The following GAP43 variants were observed in gnomAD, a reference collection of about 807,000 sequenced individuals.
The protein encoded by GAP43 is neuromodulin.
A neutral mutation model predicts 18.6 loss-of-function variants in GAP43; 6 were observed. The observed-to-expected ratio is 0.32, with a 90% confidence interval of 0.18 to 0.64. The LOEUF (loss-of-function observed/expected upper bound fraction) is 0.64, where lower values mean the gene tolerates loss of function less well. Among genes scored for constraint, GAP43 ranks in the 30% least tolerant of loss-of-function variants. The probability of loss-of-function intolerance (pLI) is 0.78; values close to 1 mark genes in which losing one functional copy is unlikely to be tolerated. For synonymous variants in GAP43, 115 were observed against 111.4 expected (o/e 1.03, Z -0.20); for missense variants, 292 against 295.5 (o/e 0.99, Z 0.09).
At chr3:115,677,441 T>A (rs1708907532) in intron 2 of GAP43, among the ~76,000 whole-genome samples, 1 of 152,188 alleles carries the variant, frequency 6.6e-6, no homozygotes, top group African/African-American at 2.4e-5. Context: ...GGGTTTTCAC[T>A]ATTACTGCTC....
In GAP43 at chr3:115,676,500, C is replaced by T; in HGVS notation, c.518C>T (p.Ala173Val). The T allele has an allele frequency of 6.2e-7, 1 of 1,613,988 alleles. No homozygotes were observed. Among genetic ancestry groups the T allele is most frequent in the Non-Finnish European group, 8.5e-7 (1 of 1,180,008 alleles). The change falls in exon 2 of 3, where the codon GCT becomes GTT. Residue 173 changes from alanine to valine, a missense_variant. Transcript: ENST00000305124. ...EEPKQADVPAAVTAAAATTPA... is the reference protein window; with the variant it reads ...EEPKQADVPAVVTAAAATTPA... ...CCTAAACAAGCCGATGTGCCTGCTGCTGTCACTGCTGCTGCTGCCACCACC... is the reference window on the plus strand; with the variant it reads ...CCTAAACAAGCCGATGTGCCTGCTGTTGTCACTGCTGCTGCTGCCACCACC...
chr3:115,721,031 CT>C lies in GAP43; in HGVS notation c.*150del, dbSNP rs1184166668. On this transcript the variant is annotated 3_prime_UTR_variant, in exon 3 of 3. Transcript: ENST00000305124. Reference sequence around the variant, plus strand: ...TCCCACCCACTAGCCCTCTTTCTCTCTGTGTGGCAAACATTTAAAAAAAAAA... The same window carrying C: ...TCCCACCCACTAGCCCTCTTTCTCTCGTGTGGCAAACATTTAAAAAAAAAA... The C allele has an allele frequency of 2.7e-6, 1 of 369,784 alleles. No individual in the cohort carries two copies. The highest frequency in any genetic ancestry group is 4.1e-5 in the East Asian group (1 of 24,274). 22.9% of individuals were successfully genotyped at this position (369,784 alleles called of 1,614,324 possible).
chr3:115,662,948 A>C lies in GAP43; in HGVS notation c.31-13065A>C, dbSNP rs533563204. ...AACGCAGGTTCATAGGAATTAATTC[A>C]AGAGTCGTAAAATTTGCTTGCCTGG... On this transcript the variant is annotated intron_variant, in intron 1 of 2. Transcript: ENST00000305124. Among the ~76,000 whole-genome samples, 36 of 152,330 alleles carry C rather than the reference A, an allele frequency of 2.4e-4. 1 individual carries two copies. The South Asian group carries it at 6.6e-3, about 28-fold the overall frequency.
chr3:115,716,733 T>C (rs1341087098), intron 2 of GAP43, among the ~76,000 whole-genome samples: 2 of 95,922 alleles, frequency 2.1e-5, no homozygotes, highest in African/African-American at 1.1e-4. Flanking sequence ...TATATATATA[T>C]ATATATATAT....
intron 1 of GAP43, among the ~76,000 whole-genome samples, chr3:115,650,748 T>C (rs1418612841): frequency 6.6e-6 from 1 of 151,224 alleles, no homozygotes; most frequent in East Asian, 1.9e-4. Flanking sequence ...AATCATACTC[T>C]AGTCTTTTAA....
intron 1 of GAP43, among the ~76,000 whole-genome samples, chr3:115,647,609 A>T (rs1219810429): frequency 6.6e-6 from 1 of 151,964 alleles, no homozygotes; most frequent in Non-Finnish European, 1.5e-5. Flanking sequence ...GTGGGATAAC[A>T]TGGGGCATGG....
At chr3:115,624,598 G>C (rs1270474424) in intron 1 of GAP43, among the ~76,000 whole-genome samples, 1 of 152,128 alleles carries the variant, frequency 6.6e-6, no homozygotes. Context: ...TCATCAGGAA[G>C]AGGGACACAT....
chr3:115,703,411 A>C (rs1429529355), intron 2 of GAP43, among the ~76,000 whole-genome samples: 2 of 152,092 alleles, frequency 1.3e-5, no homozygotes, highest in African/African-American at 4.8e-5. Flanking sequence ...AACTCCATAG[A>C]AACTTAGAGG....
chr3:115,632,382 A>G (rs1436731116), intron 1 of GAP43, among the ~76,000 whole-genome samples: 1 of 152,146 alleles, frequency 6.6e-6, no homozygotes, highest in Non-Finnish European at 1.5e-5. Flanking sequence ...GGGCTCCTCA[A>G]TACAACAGGA....
At chr3:115,700,649 A>C (rs1205283100) in intron 2 of GAP43, among the ~76,000 whole-genome samples, 1 of 151,570 alleles carries the variant, frequency 6.6e-6, no homozygotes, top group East Asian at 1.9e-4. Flanking sequence ...AACTTCAGTG[A>C]AAAAGTCTTT....
chr3:115,709,078 AAGC>A (rs1399410182), intron 2 of GAP43, among the ~76,000 whole-genome samples: 1 of 152,082 alleles, frequency 6.6e-6, no homozygotes, highest in Non-Finnish European at 1.5e-5. Context: ...AAAATAGAAA[AAGC>A]AGCACTGTCA....
intron 1 of GAP43, chr3:115,663,626 C>T (rs901569927): frequency 1.4e-5 from 19 of 1,348,344 alleles, no homozygotes; most frequent in African/African-American, 1.2e-4. Context: ...ACCTGGGTGA[C>T]GAGGTCATAA....
chr3:115,713,542 C>T (rs1041003605), intron 2 of GAP43, among the ~76,000 whole-genome samples: 2 of 152,238 alleles, frequency 1.3e-5, no homozygotes, highest in Admixed American at 6.5e-5. Context: ...CCTGGCTGAG[C>T]GCACAAGCAG....
chr3:115,698,341 G>C (rs1709252199), intron 2 of GAP43, among the ~76,000 whole-genome samples: 1 of 47,274 alleles, frequency 2.1e-5, no homozygotes, highest in South Asian at 8.4e-4. Flanking sequence ...AACCAGTTCT[G>C]TCGGTCATGA....
At chr3:115,688,951 A>T (rs1230157222) in intron 2 of GAP43, among the ~76,000 whole-genome samples, 2 of 152,158 alleles carry the variant, frequency 1.3e-5, no homozygotes, top group African/African-American at 2.4e-5. Flanking sequence ...TAGCTTTCTG[A>T]TCAGATGTCC....
intron 2 of GAP43, among the ~76,000 whole-genome samples, chr3:115,695,681 G>C (rs764091017): frequency 1.3e-5 from 2 of 152,112 alleles, no homozygotes; most frequent in Non-Finnish European, 2.9e-5. Context: ...TCTCCAATTT[G>C]TTTCTTCCTA....
At chr3:115,662,755 T>C (rs1708680341) in intron 1 of GAP43, among the ~76,000 whole-genome samples, 2 of 152,190 alleles carry the variant, frequency 1.3e-5, no homozygotes, top group African/African-American at 2.4e-5. Context: ...CTTTGGGCCA[T>C]GTGACATCAC....
At chr3:115,693,485 TAA>T (rs140263154) in intron 2 of GAP43, among the ~76,000 whole-genome samples, 3,817 of 144,444 alleles carry the variant, frequency 0.026, 148 homozygotes, top group African/African-American at 0.085. Context: ...AAAATCCTGT[TAA>T]ATTATTATTA....
At chr3:115,672,722 C>G (rs946204513) in intron 1 of GAP43, among the ~76,000 whole-genome samples, 3 of 104,618 alleles carry the variant, frequency 2.9e-5, no homozygotes, top group African/African-American at 1.0e-4. Context: ...TCTTCATCTC[C>G]TTCCCACATC....
Sources: allele counts gnomAD v4.1 joint callset (sites outside exome capture counted in the v4.1 genomes callset), GRCh38; gene constraint gnomAD v4.1.1; transcripts MANE v1.5; gene names NCBI Gene and HGNC (gene_info 2026-07-23, HGNC 2026-07-21).